The following HTR2C variants were observed in gnomAD, a reference collection of about 807,000 sequenced individuals.
The protein encoded by HTR2C is 5-hydroxytryptamine receptor 2C, also known as 5-hydroxytryptamine (serotonin) receptor 2C, G protein-coupled.
HTR2C carries 5 observed loss-of-function variants against 21.0 expected under a neutral mutation model. The ratio of observed to expected loss-of-function variants is 0.24; its 90% CI spans 0.12 to 0.50. The LOEUF is 0.50. Among genes scored for constraint, HTR2C ranks in the 20% least tolerant of loss-of-function variants. The pLI is 0.98. For synonymous variants in HTR2C, 150 were observed against 145.3 expected (o/e 1.03, Z -0.23); for missense variants, 271 against 371.2 (o/e 0.73, Z 2.22).
chrX:114,806,752 A>G (rs1488005401), intron 4 of HTR2C, among the ~76,000 whole-genome samples: 4 of 87,487 alleles, frequency 4.6e-5, no homozygotes, highest in Non-Finnish European at 8.4e-5. Context: ...ATATATATAC[A>G]CCATATATAT....
At chrX:114,734,325 T>A (rs1556423976) in intron 4 of HTR2C, among the ~76,000 whole-genome samples, 1 of 110,123 alleles carries the variant, frequency 9.1e-6, no homozygotes, top group East Asian at 2.8e-4. Flanking sequence ...AAGGAACAAA[T>A]AGGAAAACAG....
At chrX:114,884,380 G>A (rs1471121384) in intron 5 of HTR2C, among the ~76,000 whole-genome samples, 5 of 110,555 alleles carry the variant, frequency 4.5e-5, no homozygotes, top group Non-Finnish European at 9.5e-5. Flanking sequence ...CTATGGAATG[G>A]GAGAAAATGT....
chrX:114,812,040 C>T (rs12862070), intron 4 of HTR2C, among the ~76,000 whole-genome samples: 3,855 of 110,972 alleles, frequency 0.035, 53 homozygotes, highest in South Asian at 0.057. Context: ...ATCAACCCAT[C>T]ACCTAGGTAT....
chrX:114,727,773 G>T (rs1420191615), intron 3 of HTR2C, among the ~76,000 whole-genome samples: 1 of 111,769 alleles, frequency 8.9e-6, no homozygotes, highest in Non-Finnish European at 1.9e-5. Context: ...AGCAACATTG[G>T]ATCCTCTGCA....
chrX:114,847,968 T>C, intron 4 of HTR2C, 35 bp from the exon 5 acceptor site: 1 of 1,082,674 alleles, frequency 9.2e-7, no homozygotes, highest in South Asian at 1.9e-5. Context: ...ACAATTTGGA[T>C]GACGTGTTCT....
chrX:114,595,476 G>A (rs1465298754), intron 1 of HTR2C, among the ~76,000 whole-genome samples: 1 of 109,952 alleles, frequency 9.1e-6, no homozygotes, highest in African/African-American at 3.3e-5. Context: ...TCCCGCCTCT[G>A]CCTCCCAAAG....
At chrX:114,589,879 A>G in intron 1 of HTR2C, 1 of 327,345 alleles carries the variant, frequency 3.1e-6, no homozygotes, top group African/African-American at 2.6e-5. Context: ...TAAAAGATGC[A>G]AGCATTTTGA....
intron 5 of HTR2C, among the ~76,000 whole-genome samples, chrX:114,893,058 G>A (rs985054163): frequency 1.8e-5 from 2 of 108,315 alleles, no homozygotes; most frequent in South Asian, 4.0e-4. Flanking sequence ...GATTACAGGC[G>A]CCCGCCACCA....
intron 4 of HTR2C, among the ~76,000 whole-genome samples, chrX:114,812,749 CAAACAAAA>C (rs1569496711): frequency 1.3e-4 from 3 of 23,216 alleles, no homozygotes; most frequent in Non-Finnish European, 2.3e-4. Flanking sequence ...AACAAACAAA[CAAACAAAA>C]AAAAAAACAA....
At chrX:114,636,795 C>A (rs1487399074) in intron 2 of HTR2C, among the ~76,000 whole-genome samples, 1 of 111,965 alleles carries the variant, frequency 8.9e-6, no homozygotes, top group Non-Finnish European at 1.9e-5. Flanking sequence ...TTTATCAAGA[C>A]AAGTTGAATG....
rs782101299 is a variant in HTR2C, at chrX:114,606,766, A to C, written c.-146-7049A>C. Among the ~76,000 whole-genome samples, 6 of 111,557 alleles carry C rather than the reference A, an allele frequency of 5.4e-5. No homozygotes were observed. In the East Asian group the frequency reaches 1.4e-3, roughly 26 times the overall value. Reference sequence around the variant, plus strand: ...AGGGGATTGATCTCCCAAGGGAGGTACCCCGATCCAAGTCACAGCACCAAA... The same window carrying C: ...AGGGGATTGATCTCCCAAGGGAGGTCCCCCGATCCAAGTCACAGCACCAAA... On this transcript the variant is annotated intron_variant, in intron 1 of 5. Transcript: ENST00000276198.
intron 4 of HTR2C, among the ~76,000 whole-genome samples, chrX:114,781,701 A>G (rs1240451655): frequency 9.3e-6 from 1 of 107,882 alleles, no homozygotes; most frequent in Admixed American, 1.0e-4. Context: ...GTATCTCGCT[A>G]TGTTGCCCAG....
chrX:114,828,335 A>G (rs1556459296), intron 4 of HTR2C, among the ~76,000 whole-genome samples: 3 of 110,794 alleles, frequency 2.7e-5, no homozygotes, highest in East Asian at 2.8e-4. Context: ...CTACCTTTCT[A>G]TTCATTTCAA....
chrX:114,655,426 G>A (rs138747034), intron 2 of HTR2C, among the ~76,000 whole-genome samples: 142 of 111,636 alleles, frequency 1.3e-3, no homozygotes, highest in African/African-American at 4.5e-3. Flanking sequence ...CTCCTACAAT[G>A]TGTTTTCAGC....
intron 1 of HTR2C, among the ~76,000 whole-genome samples, chrX:114,601,784 C>T (rs1218042430): frequency 9.9e-5 from 10 of 101,482 alleles, no homozygotes; most frequent in East Asian, 3.2e-4. Context: ...GTTGGGGCGG[C>T]GAAAATTTTG....
chrX:114,775,546 G>A (rs2070048647), intron 4 of HTR2C: 4 of 495,375 alleles, frequency 8.1e-6, no homozygotes, highest in Non-Finnish European at 3.8e-6. Flanking sequence ...AGGACAGGAG[G>A]ACAGTCATGA....
At position 114,726,936 on chromosome X, in the gene HTR2C, C is replaced by A; in HGVS notation, c.-1C>A. 8.8e-7 allele frequency: 1 copy of A among 1,131,395 alleles called. No individual in the cohort carries two copies. The highest frequency in any genetic ancestry group is 1.2e-6 in the Non-Finnish European group (1 of 850,224). 93.2% of individuals were successfully genotyped at this position (1,131,395 alleles called of 1,213,427 possible). A position where few individuals can be genotyped will look rare whatever the true frequency, so the allele number is the denominator to read the frequency against. ...TTTGGTTGCTTAAGACTGAAGCAATCATGGTGAACCTGAGGAATGCGGTGC... is the reference window on the plus strand; with the variant it reads ...TTTGGTTGCTTAAGACTGAAGCAATAATGGTGAACCTGAGGAATGCGGTGC... On this transcript the variant is annotated 5_prime_UTR_variant, in exon 3 of 6. Transcript: ENST00000276198.
chrX:114,717,350 G>A (rs1415043525), intron 2 of HTR2C, among the ~76,000 whole-genome samples: 2 of 112,289 alleles, frequency 1.8e-5, no homozygotes, highest in Non-Finnish European at 3.8e-5. Flanking sequence ...TGGGATTATA[G>A]GCGTGAGCCA....
intron 2 of HTR2C, among the ~76,000 whole-genome samples, chrX:114,711,271 T>C (rs1315030150): frequency 9.0e-6 from 1 of 111,584 alleles, no homozygotes; most frequent in Non-Finnish European, 1.9e-5. Flanking sequence ...TATCAGCAGA[T>C]TGTAGAAAAA....
Sources: allele counts gnomAD v4.1 joint callset (sites outside exome capture counted in the v4.1 genomes callset), GRCh38; gene constraint gnomAD v4.1.1; transcripts MANE v1.5; gene names NCBI Gene and HGNC (gene_info 2026-07-23, HGNC 2026-07-21).